Variants in SASH1 observed in about 807,000 individuals in gnomAD.
The protein encoded by SASH1 is SAM and SH3 domain-containing protein 1.
Under a neutral mutation model 125.2 loss-of-function variants are expected in SASH1, and 44 were observed. The observed-to-expected ratio is 0.35, with a 90% confidence interval of 0.28 to 0.45. The LOEUF is 0.45. Among genes scored for constraint, SASH1 ranks in the 20% least tolerant of loss-of-function variants. The probability of loss-of-function intolerance (pLI) is 1.00; values close to 1 mark genes in which losing one functional copy is unlikely to be tolerated. For missense variants in SASH1, 1,426 were observed against 1,614.5 expected (o/e 0.88, Z 2.00); for synonymous variants, 639 against 649.1 (o/e 0.98, Z 0.24).
At chr6:148,367,915 G>A (rs1562356550) in intron 1 of SASH1, among the ~76,000 whole-genome samples, 2 of 152,308 alleles carry the variant, frequency 1.3e-5, no homozygotes, top group Non-Finnish European at 2.9e-5. Context: ...GTCGTTCAGG[G>A]CTGCGGGGTC....
At position 148,514,375 on chromosome 6, in the gene SASH1, T is replaced by C. The variant is rs879739421; in HGVS notation, c.781T>C (p.Leu261=). The C allele has an allele frequency of 3.1e-6, 5 of 1,603,774 alleles. No individual in the cohort carries two copies. The highest frequency in any genetic ancestry group is 4.2e-6 in the Non-Finnish European group (5 of 1,177,548). ...ETEESVKFKR[L]HKLVNSTRRV... ...TGAGGAGTCGGTGAAGTTTAAGAGGTTACACAAGCTGGTAAACTCCACTCG... is the reference window on the plus strand; with the variant it reads ...TGAGGAGTCGGTGAAGTTTAAGAGGCTACACAAGCTGGTAAACTCCACTCG... The change falls in exon 9 of 20, where the codon TTA becomes CTA. Residue 261 remains leucine (L), a synonymous_variant. Transcript: ENST00000367467.
At chr6:148,264,060 G>A in the SASH1 span, among the ~76,000 whole-genome samples, 7 of 151,984 alleles carry the variant, frequency 4.6e-5, no homozygotes, top group African/African-American at 7.3e-5. Context: ...TGAGGCTTAA[G>A]GAGGTTACAT....
the SASH1 span, among the ~76,000 whole-genome samples, chr6:148,215,828 GA>G: frequency 6.6e-6 from 1 of 151,962 alleles, no homozygotes; most frequent in Non-Finnish European, 1.5e-5. Flanking sequence ...AGAGCTAGCA[GA>G]AATATCTACT....
At chr6:148,334,047 C>T (rs1465367475) in intron 1 of SASH1, among the ~76,000 whole-genome samples, 3 of 150,432 alleles carry the variant, frequency 2.0e-5, no homozygotes, top group Non-Finnish European at 3.0e-5. Context: ...TGGTCTCGAT[C>T]TGCTGACCTC....
chr6:148,460,173 C>T (rs1777548866), intron 4 of SASH1, among the ~76,000 whole-genome samples: 1 of 152,182 alleles, frequency 6.6e-6, no homozygotes, highest in Non-Finnish European at 1.5e-5. Flanking sequence ...AGGTGATTGT[C>T]AATAGAACTA....
chr6:148,505,980 A>G (rs1309394170), intron 8 of SASH1, among the ~76,000 whole-genome samples: 2 of 150,454 alleles, frequency 1.3e-5, no homozygotes, highest in African/African-American at 4.9e-5. Flanking sequence ...TGTGTTAGCC[A>G]GGATGGTCTC....
intron 1 of SASH1, among the ~76,000 whole-genome samples, chr6:148,326,335 T>TATGCATATATATATATATATATATGC: frequency 1.5e-5 from 1 of 67,144 alleles, no homozygotes; most frequent in African/African-American, 5.5e-5. Flanking sequence ...TATATATATA[T>TATGCATATATATATATATATATATGC]ATATATATAT....
rs1448530373 is a variant in SASH1, at chr6:148,487,090, T to TAC, written c.628-523_628-522insCA. 9.9e-5 allele frequency among the ~76,000 whole-genome samples: 10 copies of TAC among 100,708 alleles called. 1 individual carries two copies. Among genetic ancestry groups the TAC allele is most frequent in the South Asian group, 9.4e-4 (3 of 3,204 alleles). 66.1% of individuals were successfully genotyped at this position (100,708 alleles called of 152,430 possible). ...CAAATATATATATATAACACATATA[T>TAC]ATACACACACACACACACACACATA... On this transcript the variant is annotated intron_variant, in intron 7 of 19. Coordinates refer to ENST00000367467, the MANE Select transcript of SASH1 (RefSeq NM_015278.5).
the SASH1 span, among the ~76,000 whole-genome samples, chr6:148,251,584 G>A: frequency 7.9e-5 from 12 of 152,116 alleles, no homozygotes; most frequent in Non-Finnish European, 1.5e-4. Context: ...CTATTCAGAC[G>A]GGTAAGAAGC....
chr6:148,489,662 C>G (rs1271873845), intron 8 of SASH1, among the ~76,000 whole-genome samples: 1 of 152,042 alleles, frequency 6.6e-6, no homozygotes. Flanking sequence ...TTGCAGTTTT[C>G]AGTATATAAG....
intron 18 of SASH1, among the ~76,000 whole-genome samples, chr6:148,545,653 A>G (rs1056156824): frequency 6.6e-6 from 1 of 152,250 alleles, no homozygotes; most frequent in Non-Finnish European, 1.5e-5. Flanking sequence ...ATGTGGAATA[A>G]TTGTGTTCTG....
Position 148,533,636 on chromosome 6 carries a change from G to A in SASH1, c.1735-135G>A, listed in dbSNP as rs1348685501. The stretch of plus-strand genomic sequence containing the variant: ...TCACATCCTATGCAGGTCACTCAGA[G>A]GGGTGACTTGTGGGACCCCGATTCT... On this transcript the variant is annotated intron_variant, in intron 14 of 19. Transcript: ENST00000367467. This position sits in a 1 kb window ranked among gnomAD's most constrained non-coding sequence, Gnocchi z 6.2. 1.3e-6 allele frequency: 1 copy of A among 780,306 alleles called. No individual in the cohort carries two copies. Among genetic ancestry groups the A allele is most frequent in the Non-Finnish European group, 2.1e-6 (1 of 467,814 alleles). The allele number at this position is 780,306 out of a possible 1,614,324, so 48.3% of individuals were successfully genotyped here.
chr6:148,215,012 T>G, the SASH1 span, among the ~76,000 whole-genome samples: 1 of 152,196 alleles, frequency 6.6e-6, no homozygotes, highest in South Asian at 2.1e-4. Flanking sequence ...CTGAGGAGTC[T>G]GGCGGGCTCG....
chr6:148,393,448 T>G (rs1783817326), intron 2 of SASH1, among the ~76,000 whole-genome samples: 1 of 152,046 alleles, frequency 6.6e-6, no homozygotes, highest in Non-Finnish European at 1.5e-5. Flanking sequence ...AAATGATTGC[T>G]GTGAACTGGC....
chr6:148,281,941 G>C (rs112600251), intron 1 of SASH1, among the ~76,000 whole-genome samples: 2,206 of 150,992 alleles, frequency 0.015, 45 homozygotes, highest in African/African-American at 0.049. Context: ...AAAGGAAAAA[G>C]AAAAGAAAGA....
At chr6:148,273,807 T>TAAA (rs1779121046) in intron 1 of SASH1, among the ~76,000 whole-genome samples, 1 of 152,204 alleles carries the variant, frequency 6.6e-6, no homozygotes, top group African/African-American at 2.4e-5. Flanking sequence ...AAGGCTGCTT[T>TAAA]GCTCACTACT....
intron 2 of SASH1, among the ~76,000 whole-genome samples, chr6:148,399,353 G>A (rs1464733887): frequency 6.6e-6 from 1 of 150,640 alleles, no homozygotes; most frequent in Admixed American, 6.7e-5. Context: ...AAGTTCTCAA[G>A]TAGTTGGGAT....
chr6:148,443,670 T>C (rs1248694633), intron 4 of SASH1, among the ~76,000 whole-genome samples: 1 of 151,962 alleles, frequency 6.6e-6, no homozygotes, highest in Admixed American at 6.6e-5. Flanking sequence ...GCATTGATGA[T>C]TATTTTGTAT....
upstream of SASH1, chr6:148,272,201 A>C (rs1000384313): frequency 3.6e-6 from 1 of 276,526 alleles, no homozygotes; most frequent in Non-Finnish European, 8.2e-6. Flanking sequence ...TTTGTTTTAA[A>C]GTTGATAATC....
Sources: gnomAD v4.1 joint callset for allele counts (sites outside exome capture counted in the v4.1 genomes callset) on GRCh38, gnomAD v4.1.1 for gene constraint, Gnocchi (gnomAD v3.1) non-coding constraint, MANE v1.5 for transcripts, NCBI Gene and HGNC (gene_info 2026-07-23, HGNC 2026-07-21) for gene names.